The following PAM variants were observed in gnomAD, a reference collection of about 807,000 sequenced individuals.
PAM encodes the protein peptidylglycine alpha-amidating monooxygenase, also known as peptidyl-glycine alpha-amidating monooxygenase.
Under a neutral mutation model 122.1 loss-of-function variants are expected in PAM, and 72 were observed. The ratio of observed to expected loss-of-function variants is 0.59; its 90% CI spans 0.49 to 0.72. The LOEUF is 0.72. PAM is among the 30% of genes least tolerant of loss of function. The pLI is 0.00. For synonymous variants in PAM, 389 were observed against 404.4 expected (o/e 0.96, Z 0.46); for missense variants, 1,106 against 1,183.7 (o/e 0.93, Z 0.96).
At chr5:102,789,641 G>C (rs1761532847) in intron 1 of PAM, among the ~76,000 whole-genome samples, 1 of 152,104 alleles carries the variant, frequency 6.6e-6, no homozygotes, top group South Asian at 2.1e-4. Flanking sequence ...GAGGAAGAGA[G>C]AATGTGGAGT....
chr5:102,927,803 C>A (rs1351717978), intron 7 of PAM, among the ~76,000 whole-genome samples: 1 of 149,748 alleles, frequency 6.7e-6, no homozygotes, highest in African/African-American at 2.4e-5. Context: ...AATGGACCAG[C>A]CTATGAACCT....
intron 22 of PAM, among the ~76,000 whole-genome samples, chr5:103,019,425 C>T (rs1345580760): frequency 1.3e-5 from 2 of 152,144 alleles, no homozygotes; most frequent in African/African-American, 2.4e-5. Context: ...TGGTCAAATC[C>T]ATTAACATCA....
chr5:103,015,890 ACATTCC>A lies in PAM; in HGVS notation c.2332-1442_2332-1437del, dbSNP rs144517958. Among the ~76,000 whole-genome samples the A allele has an allele frequency of 7.8e-3, 1,192 of 152,324 alleles. 19 individuals are homozygous for A. The highest frequency in any genetic ancestry group is 0.026 in the African/African-American group (1,085 of 41,568). ...AGTTCTTAGCCAGTGAATAGTTTACACATTCCCTCCTCACCTTTATTCCCCCATCAT... is the reference window on the plus strand; with the variant it reads ...AGTTCTTAGCCAGTGAATAGTTTACACTCCTCACCTTTATTCCCCCATCAT... On this transcript the variant is annotated intron_variant, in intron 21 of 25. Coordinates refer to ENST00000438793, the MANE Select transcript of PAM (RefSeq NM_001177306.2).
chr5:103,022,809 A>C (rs1353765211), intron 23 of PAM, among the ~76,000 whole-genome samples: 2 of 152,136 alleles, frequency 1.3e-5, no homozygotes, highest in Non-Finnish European at 2.9e-5. Context: ...TGAAAGTGGC[A>C]GAATTTGGAT....
At chr5:102,849,555 C>CAAAAAAAAAAAAA (rs538988180) in intron 1 of PAM, among the ~76,000 whole-genome samples, 1 of 73,502 alleles carries the variant, frequency 1.4e-5, no homozygotes, top group Non-Finnish European at 3.1e-5. Context: ...AAGACTGTCT[C>CAAAAAAAAAAAAA]AAAAAAAAAA....
At chr5:102,956,312 C>T (rs1372866495) in intron 12 of PAM, among the ~76,000 whole-genome samples, 4 of 152,108 alleles carry the variant, frequency 2.6e-5, no homozygotes, top group Non-Finnish European at 4.4e-5. Flanking sequence ...TGTGTACACA[C>T]ATACATATAT....
chr5:102,833,324 G>T (rs1435854378), intron 1 of PAM, among the ~76,000 whole-genome samples: 3 of 152,144 alleles, frequency 2.0e-5, no homozygotes, highest in Non-Finnish European at 4.4e-5. Context: ...CTTGGATGAT[G>T]CTATAAACAG....
chr5:102,886,492 A>G (rs528420801), intron 3 of PAM, among the ~76,000 whole-genome samples: 5 of 151,812 alleles, frequency 3.3e-5, no homozygotes, highest in African/African-American at 1.2e-4. Context: ...TTAGGCTTTT[A>G]TGTTGCCATT....
chr5:102,888,691 CTTTG>C (rs1262565179), intron 3 of PAM, among the ~76,000 whole-genome samples: 1 of 151,912 alleles, frequency 6.6e-6, no homozygotes, highest in African/African-American at 2.4e-5. Flanking sequence ...TTCCTCTTAA[CTTTG>C]TTTATCTGAA....
intron 15 of PAM, among the ~76,000 whole-genome samples, chr5:102,985,723 ATTC>A (rs1328261487): frequency 1.3e-5 from 2 of 152,182 alleles, no homozygotes; most frequent in Non-Finnish European, 2.9e-5. Context: ...AGAAAAGGGA[ATTC>A]TTCTTAATTT....
At chr5:102,894,897 C>A (rs1468281801) in intron 3 of PAM, among the ~76,000 whole-genome samples, 1 of 151,716 alleles carries the variant, frequency 6.6e-6, no homozygotes, top group Admixed American at 6.6e-5. Context: ...TTCTCCTTCT[C>A]TACTGTCATC....
intron 1 of PAM, among the ~76,000 whole-genome samples, chr5:102,814,458 G>C (rs999002680): frequency 2.6e-5 from 4 of 151,446 alleles, no homozygotes; most frequent in Non-Finnish European, 4.4e-5. Flanking sequence ...TTAATCAAGG[G>C]ACAGTGTGAC....
At chr5:102,989,548 T>C (rs970790584) in intron 15 of PAM, among the ~76,000 whole-genome samples, 9 of 152,148 alleles carry the variant, frequency 5.9e-5, no homozygotes, top group African/African-American at 1.9e-4. Context: ...TCTGAAGATA[T>C]ATTCTGATCA....
At chr5:102,835,410 G>A (rs1776738248) in intron 1 of PAM, among the ~76,000 whole-genome samples, 2 of 152,124 alleles carry the variant, frequency 1.3e-5, no homozygotes, top group South Asian at 4.1e-4. Context: ...TGGTGGCTGT[G>A]TTGTAAGCTG....
At chr5:103,008,767 C>T (rs527522708) in intron 20 of PAM, among the ~76,000 whole-genome samples, 38 of 151,564 alleles carry the variant, frequency 2.5e-4, no homozygotes, top group African/African-American at 7.8e-4. Flanking sequence ...GTTGGTTTGC[C>T]GCACATTTAA....
intron 18 of PAM, among the ~76,000 whole-genome samples, 187 bp from the exon 19 acceptor site, chr5:103,006,614 C>A (rs1779060366): frequency 6.6e-6 from 1 of 152,164 alleles, no homozygotes; most frequent in Admixed American, 6.5e-5. Flanking sequence ...GCTTTATTAT[C>A]AAATGAAGGA....
Position 103,017,416 on chromosome 5 carries a change from A to G in PAM, c.2414A>G (p.Lys805Arg), listed in dbSNP as rs2151236945. Reference protein sequence around the residue: ...IGDAHTNTVWKFTLTEKLEHR... With the variant: ...IGDAHTNTVWRFTLTEKLEHR... ...GATGCTCATACCAACACCGTGTGGA[A>G]GTTCACCTTGACTGAGAGTATGGTT... Residue 805 changes from lysine to arginine, a missense_variant, in exon 22 of 26, where the codon AAG (lysine) becomes AGG (arginine). Physicochemically the swap from Lys to Arg is conservative, Grantham distance 26. Transcript: ENST00000438793. The G allele has an allele frequency of 1.9e-6, 3 of 1,597,892 alleles. No individual in the cohort carries two copies. The highest frequency in any genetic ancestry group is 2.6e-6 in the Non-Finnish European group (3 of 1,165,318).
intron 1 of PAM, among the ~76,000 whole-genome samples, chr5:102,764,589 G>A (rs554460461): frequency 6.6e-6 from 1 of 152,242 alleles, no homozygotes; most frequent in East Asian, 1.9e-4. Context: ...CGGGGCGTGA[G>A]GGAAGAAAAG....
intron 4 of PAM, 49 bp downstream of exon 4, chr5:102,901,462 A>G (rs1399614201): frequency 2.0e-6 from 2 of 1,001,166 alleles, no homozygotes; most frequent in African/African-American, 1.6e-5. Flanking sequence ...GAGGGCAGTG[A>G]TTTGAAATCA....
Sources: allele counts gnomAD v4.1 joint callset (sites outside exome capture counted in the v4.1 genomes callset), GRCh38; gene constraint gnomAD v4.1.1; transcripts MANE v1.5; gene names NCBI Gene and HGNC (gene_info 2026-07-23, HGNC 2026-07-21).